GATAD1: variants seen among roughly 807,000 people sequenced by gnomAD.
GATAD1 encodes the protein GATA zinc finger domain-containing protein 1.
In GATAD1, 12 loss-of-function variants were observed where a neutral mutation model predicts 26.5. The observed-to-expected ratio is 0.45, with a 90% CI of 0.29 to 0.73. The LOEUF (loss-of-function observed/expected upper bound fraction) is 0.73. GATAD1 is among the 30% of genes least tolerant of loss of function. GATAD1 has a pLI of 0.10. For synonymous variants in GATAD1, 129 were observed against 133.1 expected (o/e 0.97, Z 0.21); for missense variants, 266 against 342.1 (o/e 0.78, Z 1.75).
the GATAD1 span, among the ~76,000 whole-genome samples, chr7:92,478,447 C>G: frequency 2.9e-4 from 44 of 152,240 alleles, no homozygotes; most frequent in African/African-American, 7.7e-4. Flanking sequence ...GCAGATGTTA[C>G]AATCGAAATG....
At chr7:92,471,735 T>C in the GATAD1 span, 1 of 152,186 alleles carries the variant, frequency 6.6e-6, no homozygotes, top group Non-Finnish European at 1.5e-5. Flanking sequence ...TGCCACCTCT[T>C]TAGGTTTCTG....
chr7:92,475,209 A>G, the GATAD1 span: 5 of 152,190 alleles, frequency 3.3e-5, no homozygotes, highest in African/African-American at 1.2e-4. Context: ...GCAGAAGAAT[A>G]TAAGTCGTTT....
intron 3 of GATAD1, among the ~76,000 whole-genome samples, chr7:92,451,617 T>C (rs1374528372): frequency 1.3e-5 from 2 of 152,224 alleles, no homozygotes; most frequent in Non-Finnish European, 2.9e-5. Flanking sequence ...AGGGGTACAC[T>C]GGCATTCCTC....
intron 1 of GATAD1, among the ~76,000 whole-genome samples, 162 bp downstream of exon 1, chr7:92,448,140 A>C (rs887764388): frequency 3.9e-5 from 6 of 152,216 alleles, no homozygotes; most frequent in Non-Finnish European, 7.3e-5. Flanking sequence ...CGTTTGGCCC[A>C]TTCCGAAGCA....
At chr7:92,484,309 G>C in the GATAD1 span, among the ~76,000 whole-genome samples, 2 of 152,090 alleles carry the variant, frequency 1.3e-5, no homozygotes, top group Non-Finnish European at 2.9e-5. Flanking sequence ...TAGTGAAGGA[G>C]GTAAGTTTAA....
the GATAD1 span, chr7:92,492,984 A>G: frequency 6.2e-7 from 1 of 1,613,766 alleles, no homozygotes; most frequent in Admixed American, 1.7e-5. Flanking sequence ...CATTCCATGT[A>G]AGGCCTCCAA....
rs1441727538 is a variant in GATAD1, at chr7:92,447,994, C to G, written c.249+16C>G. ...CGGCAAGCAGGTGAGCTCCTCCGGC[C>G]CCTCCCGCCGGCGGAGGCCGACCAG... On this transcript the variant is annotated intron_variant, in intron 1 of 4. Coordinates refer to ENST00000287957, the MANE Select transcript of GATAD1 (RefSeq NM_021167.5). 5.8e-6 allele frequency: 7 copies of G among 1,212,798 alleles called. No individual in the cohort carries two copies. The highest frequency in any genetic ancestry group is 8.2e-5 in the South Asian group (2 of 24,288). The allele number at this position is 1,212,798 out of a possible 1,614,324, so 75.1% of individuals were successfully genotyped here.
the GATAD1 span, among the ~76,000 whole-genome samples, chr7:92,492,447 G>A: frequency 2.0e-5 from 3 of 152,188 alleles, no homozygotes; most frequent in Non-Finnish European, 2.9e-5. Context: ...GATTACAGGC[G>A]TGAACCACTG....
intron 1 of GATAD1, among the ~76,000 whole-genome samples, chr7:92,448,210 C>A (rs1418065918): frequency 6.6e-6 from 1 of 152,242 alleles, no homozygotes; most frequent in East Asian, 1.9e-4. Flanking sequence ...TTAAGAAAAT[C>A]TCAATATACA....
the GATAD1 span, among the ~76,000 whole-genome samples, chr7:92,486,025 A>G: frequency 1.1e-4 from 16 of 152,236 alleles, no homozygotes; most frequent in East Asian, 1.9e-4. Context: ...ATGGATGTCA[A>G]TCGGCTGTCT....
chr7:92,470,499 C>T, the GATAD1 span: 1 of 597,968 alleles, frequency 1.7e-6, no homozygotes, highest in African/African-American at 1.9e-5. Context: ...GTTCCTTTGG[C>T]AGTATCCAGG....
At chr7:92,465,649 C>T in the GATAD1 span, among the ~76,000 whole-genome samples, 1 of 151,786 alleles carries the variant, frequency 6.6e-6, no homozygotes, top group African/African-American at 2.4e-5. Flanking sequence ...CAATCACTAA[C>T]CTGTGTTGTT....
At chr7:92,472,070 A>T in the GATAD1 span, 1 of 152,216 alleles carries the variant, frequency 6.6e-6, no homozygotes, top group Non-Finnish European at 1.5e-5. Flanking sequence ...TGAGGTCGGG[A>T]TCAGTCAAAG....
chr7:92,485,835 A>C, the GATAD1 span, among the ~76,000 whole-genome samples: 1 of 152,240 alleles, frequency 6.6e-6, no homozygotes, highest in Non-Finnish European at 1.5e-5. Flanking sequence ...ATAGTGGCTA[A>C]TAACATAACC....
At chr7:92,468,852 A>C in the GATAD1 span, 7 of 764,362 alleles carry the variant, frequency 9.2e-6, no homozygotes, top group Non-Finnish European at 1.7e-5. Context: ...CATTAACATC[A>C]GATCGTGGGC....
chr7:92,452,376 C>A (rs966495104), intron 3 of GATAD1, among the ~76,000 whole-genome samples: 5 of 152,218 alleles, frequency 3.3e-5, no homozygotes, highest in African/African-American at 1.2e-4. Context: ...CACTGGCAGG[C>A]AGCACCATGG....
rs1789208272 is a variant in GATAD1 at position 92,447,659 on chromosome 7, AG to A, written c.-66del. The A allele has an allele frequency of 7.5e-7, 1 of 1,334,236 alleles. No individual in the cohort carries two copies. Among genetic ancestry groups the A allele is most frequent in the Non-Finnish European group, 9.6e-7 (1 of 1,040,972 alleles). 82.6% of individuals were successfully genotyped at this position (1,334,236 alleles called of 1,614,324 possible). ...TATCGCCGGGAGTGGCGGGCCGACC[AG>A]GGGGCGGCCGGGCTACCGTCCGCCA... On this transcript the variant is annotated 5_prime_UTR_variant, in exon 1 of 5. Coordinates refer to ENST00000287957, the MANE Select transcript of GATAD1 (RefSeq NM_021167.5).
the GATAD1 span, chr7:92,491,314 G>C: frequency 6.2e-7 from 1 of 1,613,678 alleles, no homozygotes; most frequent in Non-Finnish European, 8.5e-7. Context: ...ATTCATAAGA[G>C]CTTCCAAAGT....
At chr7:92,468,663 G>A in the GATAD1 span, 1 of 610,688 alleles carries the variant, frequency 1.6e-6, no homozygotes, top group Non-Finnish European at 2.9e-6. Context: ...CTAGGCTTAG[G>A]GATTCTTAGT....
Sources: allele counts gnomAD v4.1 joint callset (sites outside exome capture counted in the v4.1 genomes callset), GRCh38; gene constraint gnomAD v4.1.1; transcripts MANE v1.5; gene names NCBI Gene and HGNC (gene_info 2026-07-23, HGNC 2026-07-21).